Variants in ARHGAP31 observed in about 807,000 individuals in gnomAD.
The protein encoded by ARHGAP31 is rho GTPase-activating protein 31.
A neutral mutation model predicts 113.9 loss-of-function variants in ARHGAP31; 34 were observed. That is an observed-to-expected ratio of 0.30 (90% CI 0.23 to 0.40). ARHGAP31 has a LOEUF of 0.40. Ranked by LOEUF, ARHGAP31 falls within the 10% of genes least tolerant of loss-of-function variation. The probability of loss-of-function intolerance (pLI) is 1.00; values close to 1 mark genes in which losing one functional copy is unlikely to be tolerated. For synonymous variants in ARHGAP31, 650 were observed against 684.8 expected, an observed-to-expected ratio of 0.95 and a Z score of 0.79; for missense variants, 1,548 against 1,767.1, an observed-to-expected ratio of 0.88 and a Z score of 2.22.
At chr3:119,338,956 G>A (rs752638760) in intron 1 of ARHGAP31, among the ~76,000 whole-genome samples, 28 of 152,252 alleles carry the variant, frequency 1.8e-4, no homozygotes, top group Admixed American at 8.5e-4. Flanking sequence ...GATTGGCAGA[G>A]TGGAAGGAAT....
At chr3:119,403,851 G>A (rs2080636008) in intron 10 of ARHGAP31, among the ~76,000 whole-genome samples, 1 of 152,172 alleles carries the variant, frequency 6.6e-6, no homozygotes, top group Admixed American at 6.5e-5. Flanking sequence ...ACTGCTTTTT[G>A]TCAGTTTGGC....
At position 119,415,769 on chromosome 3, in the gene ARHGAP31, C is replaced by G; in HGVS notation, c.3840C>G (p.Pro1280=). ...CCTCACCAGTGGATGCCACTGCACC[C>G]TGCATGTGCGAGGGACCTACCCTTT... The part of the protein sequence containing the change: ...IKSSPVDATA[P]CMCEGPTLSP... The change falls in exon 12 of 12, where the codon CCC becomes CCG. Residue 1280 remains proline, a synonymous_variant. Transcript: ENST00000264245. 1 of 1,614,244 alleles carries G rather than the reference C, an allele frequency of 6.2e-7. No homozygotes were observed. The highest frequency in any genetic ancestry group is 8.5e-7 in the Non-Finnish European group (1 of 1,180,032).
intron 11 of ARHGAP31, 87 bp downstream of exon 11, chr3:119,409,863 A>G: frequency 1.8e-5 from 26 of 1,415,010 alleles, no homozygotes; most frequent in Non-Finnish European, 2.2e-5. Flanking sequence ...ATTGAAAAAA[A>G]ATTTTTTTTT....
chr3:119,340,612 A>C (rs2079999347), intron 1 of ARHGAP31, among the ~76,000 whole-genome samples: 1 of 152,194 alleles, frequency 6.6e-6, no homozygotes, highest in African/African-American at 2.4e-5. Context: ...CCTCCTCTTA[A>C]AAGGAGAATG....
At chr3:119,361,002 G>T (rs929695166) in intron 1 of ARHGAP31, among the ~76,000 whole-genome samples, 2 of 152,128 alleles carry the variant, frequency 1.3e-5, no homozygotes, top group African/African-American at 4.8e-5. Flanking sequence ...GACAATAGAA[G>T]CTTTCTTTCT....
chr3:119,369,706 T>A (rs1324246716), intron 3 of ARHGAP31, among the ~76,000 whole-genome samples: 1 of 152,150 alleles, frequency 6.6e-6, no homozygotes, highest in East Asian at 1.9e-4. Context: ...AATGCACAAC[T>A]GTATATTAAG....
intron 1 of ARHGAP31, among the ~76,000 whole-genome samples, chr3:119,345,632 C>A (rs2080049729): frequency 6.6e-6 from 1 of 152,130 alleles, no homozygotes; most frequent in African/African-American, 2.4e-5. Context: ...ACCCAGTACC[C>A]AAGCATAGCG....
chr3:119,374,114 TC>T (rs1444398986), intron 3 of ARHGAP31, among the ~76,000 whole-genome samples: 1 of 152,176 alleles, frequency 6.6e-6, no homozygotes, highest in Non-Finnish European at 1.5e-5. Flanking sequence ...TGGAGGCTTG[TC>T]CCCTCTAAAT....
chr3:119,361,501 G>A (rs551316161), intron 1 of ARHGAP31, among the ~76,000 whole-genome samples: 1 of 151,550 alleles, frequency 6.6e-6, no homozygotes, highest in East Asian at 1.9e-4. Context: ...CCTGCCTCAG[G>A]CTCCCAAGTA....
intron 10 of ARHGAP31, 22 bp downstream of exon 10, chr3:119,402,419 T>A (rs762878070): frequency 2.5e-6 from 4 of 1,607,720 alleles, no homozygotes; most frequent in East Asian, 2.2e-5. Context: ...AGAGAGGGTA[T>A]CTTTCCGTTG....
intron 6 of ARHGAP31, among the ~76,000 whole-genome samples, chr3:119,386,792 G>A (rs965553239): frequency 2.0e-5 from 3 of 152,374 alleles, no homozygotes; most frequent in Non-Finnish European, 2.9e-5. Context: ...CGTGGGTCAC[G>A]TGTCCACTGG....
At chr3:119,300,301 G>C (rs2079569871) in intron 1 of ARHGAP31, among the ~76,000 whole-genome samples, 1 of 152,172 alleles carries the variant, frequency 6.6e-6, no homozygotes, top group Non-Finnish European at 1.5e-5. Context: ...GTTTAACCTA[G>C]CATCACCACC....
intron 1 of ARHGAP31, among the ~76,000 whole-genome samples, chr3:119,303,789 GT>G (rs1559960397): frequency 6.9e-6 from 1 of 145,752 alleles, no homozygotes; most frequent in African/African-American, 2.6e-5. Flanking sequence ...CATGTTTTTT[GT>G]TGTTGTTGTT....
chr3:119,302,859 A>G (rs1390639657), intron 1 of ARHGAP31, among the ~76,000 whole-genome samples: 1 of 152,214 alleles, frequency 6.6e-6, no homozygotes, highest in East Asian at 1.9e-4. Context: ...CCCACAGCCT[A>G]AACCATGAAG....
intron 4 of ARHGAP31, among the ~76,000 whole-genome samples, chr3:119,381,955 C>T (rs1489221247): frequency 6.9e-6 from 1 of 145,880 alleles, no homozygotes; most frequent in Non-Finnish European, 1.5e-5. Flanking sequence ...CACTGCACTC[C>T]AGCCTGGGCG....
chr3:119,314,582 G>A (rs945376961), intron 1 of ARHGAP31: 56 of 152,656 alleles, frequency 3.7e-4, no homozygotes, highest in African/African-American at 1.2e-3. Context: ...GGAGGTGGAG[G>A]AGTGTGTTCT....
At chr3:119,349,919 T>C (rs1049874771) in intron 1 of ARHGAP31, among the ~76,000 whole-genome samples, 1 of 152,158 alleles carries the variant, frequency 6.6e-6, no homozygotes, top group Non-Finnish European at 1.5e-5. Flanking sequence ...GGTCATCTAT[T>C]CAAGCCCTGA....
Position 119,402,280 on chromosome 3 carries a change from A to G in ARHGAP31, c.1528A>G (p.Arg510Gly), listed in dbSNP as rs769234189. The change falls in exon 10 of 12, where the codon AGA (arginine) becomes GGA (glycine). Residue 510 changes from arginine (R) to glycine (G), a missense_variant. Coordinates refer to ENST00000264245, the MANE Select transcript of ARHGAP31 (RefSeq NM_020754.4). ...AVISTNSTPCRTPPKELQSLS... is the reference protein window; with the variant it reads ...AVISTNSTPCGTPPKELQSLS... ...CATCAGCACCAACAGCACGCCGTGC[A>G]GAACACCCCCGAAGGAGCTGCAGTC... 1.9e-6 allele frequency: 3 copies of G among 1,614,272 alleles called. No homozygotes were observed. The highest frequency in any genetic ancestry group is 2.2e-5 in the South Asian group (2 of 91,088).
At chr3:119,411,642 A>T (rs912673687) in intron 11 of ARHGAP31, among the ~76,000 whole-genome samples, 1 of 152,212 alleles carries the variant, frequency 6.6e-6, no homozygotes, top group Non-Finnish European at 1.5e-5. Context: ...GAGTAAAGAG[A>T]TGAAGCTGTC....
Sources: gnomAD v4.1 joint callset for allele counts (sites outside exome capture counted in the v4.1 genomes callset) on GRCh38, gnomAD v4.1.1 for gene constraint, MANE v1.5 for transcripts, NCBI Gene and HGNC (gene_info 2026-07-23, HGNC 2026-07-21) for gene names.